The following NUP58 variants were observed in gnomAD, a reference collection of about 807,000 sequenced individuals.
The protein encoded by NUP58 is nucleoporin 58.
NUP58 carries 17 observed loss-of-function variants against 70.1 expected under a neutral mutation model. The observed-to-expected ratio is 0.24, with a 90% confidence interval of 0.17 to 0.36. NUP58 has a LOEUF of 0.36. Ranked by LOEUF, NUP58 falls within the 10% of genes least tolerant of loss-of-function variation. The probability of loss-of-function intolerance (pLI) is 1.00; values close to 1 mark genes in which losing one functional copy is unlikely to be tolerated. For missense variants in NUP58, 644 were observed against 701.5 expected (o/e 0.92, Z 0.93); for synonymous variants, 275 against 257.6 (o/e 1.07, Z -0.65).
intron 13 of NUP58, 108 bp from the exon 14 acceptor site, chr13:25,336,828 G>A (rs1413782871): frequency 2.9e-6 from 2 of 700,318 alleles, no homozygotes; most frequent in East Asian, 2.8e-5. Flanking sequence ...TCAGTTAAAA[G>A]TAATCACTGT....
At chr13:25,315,047 G>A (rs568411676) in intron 5 of NUP58, among the ~76,000 whole-genome samples, 1 of 152,222 alleles carries the variant, frequency 6.6e-6, no homozygotes, top group South Asian at 2.1e-4. Flanking sequence ...TGTAGAGAGG[G>A]TTTAAAAGCC....
intron 1 of NUP58, among the ~76,000 whole-genome samples, chr13:25,305,140 T>G (rs1202179190): frequency 2.1e-4 from 2 of 9,720 alleles, no homozygotes; most frequent in African/African-American, 1.3e-4. Context: ...GTTTTTTTTT[T>G]TTTTTTTTTT....
rs970788097 is a variant in NUP58, at chr13:25,338,161, G to A, written c.1535-475G>A. ...ATGTAGTTATGCAGAGTTTTTCAGC[G>A]TTTCAGATTCTTAATTAAAAATGTT... On this transcript the variant is annotated intron_variant, in intron 14 of 15. Transcript: ENST00000381736. 5.3e-5 allele frequency among the ~76,000 whole-genome samples: 8 copies of A among 152,090 alleles called. No homozygotes were observed. The East Asian group carries it at 5.8e-4, about 11-fold the overall frequency.
chr13:25,346,546 C>G (rs1200474747), downstream of NUP58, among the ~76,000 whole-genome samples: 1 of 151,744 alleles, frequency 6.6e-6, no homozygotes, highest in Admixed American at 6.6e-5. Context: ...ATGGAGAAAC[C>G]CTGTCTCTAC....
At chr13:25,310,884 C>CTTGAACAT (rs1420549157) in intron 3 of NUP58, among the ~76,000 whole-genome samples, 2 of 152,238 alleles carry the variant, frequency 1.3e-5, no homozygotes, top group African/African-American at 4.8e-5. Flanking sequence ...TACATAATGC[C>CTTGAACAT]TTGAACATTG....
chr13:25,334,217 T>C lies in NUP58; in HGVS notation c.1435+2659T>C, dbSNP rs2031707555. The C allele has an allele frequency of 3.0e-6, 3 of 985,244 alleles. No individual in the cohort carries two copies. The African/African-American group carries it at 5.2e-5, about 17-fold the overall frequency. The allele number at this position is 985,244 out of a possible 1,614,324, so 61.0% of individuals were successfully genotyped here. A position where few individuals can be genotyped will look rare whatever the true frequency, so the allele number is the denominator to read the frequency against. ...GCAGAACTTGACACTTGTCTATAAG[T>C]GCTTCCCAAGCCTCCTGAAAAACTG... On this transcript the variant is annotated intron_variant, in intron 13 of 15. Coordinates refer to ENST00000381736, the MANE Select transcript of NUP58 (RefSeq NM_014089.4).
rs116398613 is a variant in NUP58 at position 25,317,066 on chromosome 13, A to G, written c.685+1599A>G. On this transcript the variant is annotated intron_variant, in intron 6 of 15. Transcript: ENST00000381736. ...TAATCCAAATGATTTCTGTGTTTCTAGTAGCTGTATCAGTTAGCTTGGGCC... is the reference window on the plus strand; with the variant it reads ...TAATCCAAATGATTTCTGTGTTTCTGGTAGCTGTATCAGTTAGCTTGGGCC... Among the ~76,000 whole-genome samples the G allele has an allele frequency of 6.5e-3, 984 of 152,122 alleles. 16 individuals are homozygous for G. The highest frequency in any genetic ancestry group is 0.023 in the African/African-American group (937 of 41,482).
At chr13:25,343,843 G>GCT (rs2032014646), downstream of NUP58, among the ~76,000 whole-genome samples, 1 of 139,534 alleles carries the variant, frequency 7.2e-6, no homozygotes, top group African/African-American at 2.6e-5. Context: ...ATATATATAC[G>GCT]CACACACACA....
intron 15 of NUP58, among the ~76,000 whole-genome samples, chr13:25,339,114 G>A (rs564257095): frequency 6.6e-6 from 1 of 151,978 alleles, no homozygotes; most frequent in South Asian, 2.1e-4. Context: ...TCTATTCCAG[G>A]GTCCCTCTGG....
intron 3 of NUP58, among the ~76,000 whole-genome samples, chr13:25,312,441 C>T (rs572233170): frequency 6.6e-6 from 1 of 152,178 alleles, no homozygotes; most frequent in Non-Finnish European, 1.5e-5. Context: ...GATTTCAGCT[C>T]ACTGCAACCT....
intron 13 of NUP58, chr13:25,334,664 A>T (rs190589279): frequency 2.0e-6 from 2 of 980,576 alleles, no homozygotes; most frequent in East Asian, 1.1e-4. Flanking sequence ...TACTAATTAC[A>T]TTAGGCATTT....
chr13:25,301,691 T>C lies in NUP58; in HGVS notation c.-83T>C. 1 of 709,378 alleles carries C rather than the reference T, an allele frequency of 1.4e-6. No homozygotes were observed. Among genetic ancestry groups the C allele is most frequent in the Non-Finnish European group, 2.1e-6 (1 of 467,248 alleles). 43.9% of individuals were successfully genotyped at this position (709,378 alleles called of 1,614,324 possible). A position where few individuals can be genotyped will look rare whatever the true frequency, so the allele number is the denominator to read the frequency against. On this transcript the variant is annotated 5_prime_UTR_variant, in exon 1 of 16. Transcript: ENST00000381736. ...GGTCCGTGCCGGGCGAGAGAGATGC[T>C]GCCCGGCCCGCCTCGGCTTTGAGGC...
chr13:25,337,032 G>A lies in NUP58; in HGVS notation c.1532G>A (p.Gly511Glu). The change falls in exon 14 of 16, where the codon GGA becomes GAA. Residue 511 changes from glycine to glutamate, a missense_variant and splice_region_variant. Gly to Glu is a moderately conservative substitution (Grantham distance 98, BLOSUM62 -2). Transcript: ENST00000381736. The stretch of plus-strand genomic sequence containing the variant: ...AGTGGCTTAGGTTCTTCAAACCTTG[G>A]AGGTACACTTTAACTTTTCTAATAT... Reference protein sequence around the residue: ...QSSGLGSSNLGGFGTSSGFGC... With the variant: ...QSSGLGSSNLEGFGTSSGFGC... The A allele has an allele frequency of 1.3e-6, 2 of 1,590,768 alleles. No individual in the cohort carries two copies. Among genetic ancestry groups the A allele is most frequent in the Non-Finnish European group, 1.7e-6 (2 of 1,168,290 alleles).
intron 13 of NUP58, chr13:25,335,772 G>A (rs2031758792): frequency 1.0e-6 from 1 of 982,968 alleles, no homozygotes; most frequent in Non-Finnish European, 1.2e-6. Flanking sequence ...TTCTTCATTG[G>A]ATAACTTGAA....
chr13:25,313,634 A>C lies in NUP58; in HGVS notation c.457A>C (p.Asn153His). The C allele has an allele frequency of 6.6e-7, 1 of 1,521,330 alleles. No individual in the cohort carries two copies. The highest frequency in any genetic ancestry group is 8.7e-7 in the Non-Finnish European group (1 of 1,147,742). The allele number at this position is 1,521,330 out of a possible 1,614,324, so 94.2% of individuals were successfully genotyped here. A position where few individuals can be genotyped will look rare whatever the true frequency, so the allele number is the denominator to read the frequency against. Residue 153 changes from asparagine to histidine, a missense_variant, in exon 5 of 16, where the codon AAT becomes CAT. Physicochemically the swap from Asn to His is moderately conservative, Grantham distance 68. Around this residue, in one of 4 missense-constraint regions of NUP58, gnomAD observed 430 missense variants for 409.2 expected, o/e 1.05. Coordinates refer to ENST00000381736, the MANE Select transcript of NUP58 (RefSeq NM_014089.4). ...TATAGCATCCACAGGATTTACTCTAAATAATTTGGGTGGGACAACAGCCAC... is the reference window on the plus strand; with the variant it reads ...TATAGCATCCACAGGATTTACTCTACATAATTTGGGTGGGACAACAGCCAC... Reference protein sequence around the residue: ...TPAASTGFTLNNLGGTTATTT... With the variant: ...TPAASTGFTLHNLGGTTATTT...
At chr13:25,302,055 C>G (rs1000900259) in intron 1 of NUP58, among the ~76,000 whole-genome samples, 175 bp downstream of exon 1, 1 of 152,218 alleles carries the variant, frequency 6.6e-6, no homozygotes, top group African/African-American at 2.4e-5. Flanking sequence ...GTACCCGGGC[C>G]CAGCGCGGCC....
chr13:25,325,844 G>A (rs967677543), intron 10 of NUP58, among the ~76,000 whole-genome samples: 1 of 152,166 alleles, frequency 6.6e-6, no homozygotes, highest in Non-Finnish European at 1.5e-5. Flanking sequence ...ACAGATGTGA[G>A]CCACCACGCC....
chr13:25,332,225 C>T (rs2031633690), intron 13 of NUP58: 2 of 985,418 alleles, frequency 2.0e-6, no homozygotes, highest in African/African-American at 3.5e-5. Context: ...GGAAGTTGAA[C>T]AGATGAAAAT....
At chr13:25,303,525 C>T (rs932037958) in intron 1 of NUP58, among the ~76,000 whole-genome samples, 4 of 151,830 alleles carry the variant, frequency 2.6e-5, no homozygotes, top group African/African-American at 9.7e-5. Flanking sequence ...AAAGCCTGTC[C>T]TAGCAACATG....
Sources: allele counts gnomAD v4.1 joint callset (sites outside exome capture counted in the v4.1 genomes callset), GRCh38; gene constraint gnomAD v4.1.1; regional missense constraint gnomAD v4.1.1; transcripts MANE v1.5; gene names NCBI Gene and HGNC (gene_info 2026-07-23, HGNC 2026-07-21).